INPP5A: variants seen among roughly 807,000 people sequenced by gnomAD.
INPP5A encodes 43 kDa inositol polyphosphate 5-phophatase.
Under a neutral mutation model 65.2 loss-of-function variants are expected in INPP5A, and 14 were observed. The ratio of observed to expected loss-of-function variants is 0.21; its 90% CI spans 0.14 to 0.34. The LOEUF is 0.34. Among genes scored for constraint, INPP5A ranks in the 10% least tolerant of loss-of-function variants. The probability of loss-of-function intolerance (pLI) is 1.00; values close to 1 mark genes in which losing one functional copy is unlikely to be tolerated. For synonymous variants in INPP5A, 207 were observed against 208.3 expected (o/e 0.99, Z 0.05); for missense variants, 431 against 545.6 (o/e 0.79, Z 2.09).
chr10:132,558,304 TC>T (rs556898008), intron 1 of INPP5A, among the ~76,000 whole-genome samples: 2 of 151,700 alleles, frequency 1.3e-5, no homozygotes, highest in East Asian at 1.9e-4. Flanking sequence ...TCTGGGGCTC[TC>T]CCCCCCGGCC....
chr10:132,677,479 C>T (rs1467373378), intron 4 of INPP5A, among the ~76,000 whole-genome samples: 5 of 152,228 alleles, frequency 3.3e-5, no homozygotes, highest in African/African-American at 9.6e-5. Flanking sequence ...GTCCTTAGAC[C>T]GGCCAATGAC....
intron 9 of INPP5A, among the ~76,000 whole-genome samples, chr10:132,742,328 C>T (rs1590974581): frequency 6.6e-6 from 1 of 152,370 alleles, no homozygotes; most frequent in Non-Finnish European, 1.5e-5. Flanking sequence ...AGGAAGCCTT[C>T]GCACAGTGGC....
intron 4 of INPP5A, among the ~76,000 whole-genome samples, chr10:132,677,634 T>C (rs891283235): frequency 6.6e-6 from 1 of 152,232 alleles, no homozygotes; most frequent in African/African-American, 2.4e-5. Context: ...CCATTTCAGT[T>C]GCTCCTCACC....
intron 9 of INPP5A, among the ~76,000 whole-genome samples, chr10:132,748,468 G>A (rs898059980): frequency 2.0e-5 from 3 of 152,134 alleles, no homozygotes; most frequent in African/African-American, 4.8e-5. Flanking sequence ...TGCCAAGCTC[G>A]GAGAGCTCAG....
At chr10:132,653,342 T>G (rs771882195) in intron 4 of INPP5A, among the ~76,000 whole-genome samples, 1 of 152,226 alleles carries the variant, frequency 6.6e-6, no homozygotes, top group African/African-American at 2.4e-5. Flanking sequence ...CACACCTGGC[T>G]TTCAGGGTTT....
chr10:132,550,697 A>G lies in INPP5A; in HGVS notation c.75+12526A>G, dbSNP rs2133253477. Among the ~76,000 whole-genome samples the G allele has an allele frequency of 3.3e-5, 5 of 152,302 alleles. No homozygotes were observed. Among genetic ancestry groups the G allele is most frequent in the Admixed American group, 2.6e-4 (4 of 15,308 alleles). ...GGGGGTGTCTGGCTATTTCACTATT[A>G]AAACAAGTGGAAACACTAGTTTGGT... On this transcript the variant is annotated intron_variant, in intron 1 of 15. Transcript: ENST00000368594. The surrounding 1 kb of genome is among the most constrained non-coding windows in gnomAD (Gnocchi z 4.2).
At chr10:132,599,334 G>A (rs1469051182) in intron 1 of INPP5A, among the ~76,000 whole-genome samples, 1 of 152,202 alleles carries the variant, frequency 6.6e-6, no homozygotes, top group East Asian at 1.9e-4. Flanking sequence ...GGGTTACAGG[G>A]CCGATGCAAG....
chr10:132,589,156 G>A (rs772774133), intron 1 of INPP5A, among the ~76,000 whole-genome samples: 3 of 152,226 alleles, frequency 2.0e-5, no homozygotes, highest in East Asian at 1.9e-4. Context: ...CCACATCTGC[G>A]CCACGTGCAG....
At chr10:132,769,807 C>A (rs909033369) in intron 12 of INPP5A, among the ~76,000 whole-genome samples, 20 of 142,130 alleles carry the variant, frequency 1.4e-4, no homozygotes, top group South Asian at 4.7e-4. Context: ...AGCTCCCCCC[C>A]CCCAAGTTCC....
intron 8 of INPP5A, among the ~76,000 whole-genome samples, chr10:132,719,333 T>C: frequency 6.7e-6 from 1 of 150,056 alleles, no homozygotes; most frequent in Admixed American, 6.6e-5. Context: ...TCTTCAGGGT[T>C]CTGTGGTACC....
chr10:132,776,314 C>T (rs1327292685), intron 12 of INPP5A, among the ~76,000 whole-genome samples: 2 of 152,050 alleles, frequency 1.3e-5, no homozygotes, highest in African/African-American at 2.4e-5. Flanking sequence ...CGCTGGAGCG[C>T]GCGGAGGATG....
chr10:132,718,743 T>C lies in INPP5A; in HGVS notation c.648-8078T>C, dbSNP rs541114404. On this transcript the variant is annotated intron_variant, in intron 8 of 15. Transcript: ENST00000368594. ...GGTTCTGTGGTACCTGGGTTCTGTC[T>C]GGGCACCTTAGACGACTGTCTTCAG... 9.1e-4 allele frequency among the ~76,000 whole-genome samples: 137 copies of C among 150,198 alleles called. 1 individual carries two copies. Among genetic ancestry groups the C allele is most frequent in the African/African-American group, 3.1e-3 (128 of 40,904 alleles).
chr10:132,640,403 C>T (rs2072411245), intron 2 of INPP5A, among the ~76,000 whole-genome samples: 1 of 152,230 alleles, frequency 6.6e-6, no homozygotes, highest in African/African-American at 2.4e-5. Context: ...CCACACCGTC[C>T]GGCTAGCCTG....
chr10:132,730,618 A>C (rs1293273685), intron 9 of INPP5A, among the ~76,000 whole-genome samples: 1 of 152,230 alleles, frequency 6.6e-6, no homozygotes, highest in Admixed American at 6.5e-5. Flanking sequence ...ACTATAAGTC[A>C]GGAAGGGAAA....
rs185541128 is a variant in INPP5A, at chr10:132,644,053, C to T, written c.118-1815C>T. The stretch of plus-strand genomic sequence containing the variant: ...AACCAGACCACCGGAAACACTCAGA[C>T]CACCGGCACCAAGGGTTGTCTGTTT... On this transcript the variant is annotated intron_variant, in intron 2 of 15. Coordinates refer to ENST00000368594, the MANE Select transcript of INPP5A (RefSeq NM_005539.5). This position sits in a 1 kb window ranked among gnomAD's most constrained non-coding sequence, Gnocchi z 6.5. 1.1e-4 allele frequency among the ~76,000 whole-genome samples: 16 copies of T among 152,312 alleles called. No homozygotes were observed. The highest frequency in any genetic ancestry group is 2.6e-4 in the Admixed American group (4 of 15,308).
intron 7 of INPP5A, among the ~76,000 whole-genome samples, chr10:132,709,272 GA>G (rs1368603460): frequency 3.1e-5 from 4 of 130,518 alleles, no homozygotes; most frequent in Admixed American, 2.2e-4. Flanking sequence ...TGGAGGGAGG[GA>G]GGGGGGAGGA....
chr10:132,542,135 G>A (rs563529919), intron 1 of INPP5A, among the ~76,000 whole-genome samples: 1 of 152,398 alleles, frequency 6.6e-6, no homozygotes, highest in African/African-American at 2.4e-5. Flanking sequence ...GTTTGGTCCT[G>A]AGAACACAGC....
At chr10:132,708,107 GCAGC>G (rs1845567619) in intron 6 of INPP5A, among the ~76,000 whole-genome samples, 2 of 152,202 alleles carry the variant, frequency 1.3e-5, no homozygotes, top group Non-Finnish European at 2.9e-5. Context: ...CTGGGCATCA[GCAGC>G]CCCTGCAGGC....
intron 1 of INPP5A, among the ~76,000 whole-genome samples, chr10:132,539,071 A>G (rs2070877551): frequency 6.6e-6 from 1 of 151,918 alleles, no homozygotes; most frequent in Non-Finnish European, 1.5e-5. Context: ...TCCTCCAACA[A>G]GCTCCTGCCC....
Sources: gnomAD v4.1 joint callset for allele counts (sites outside exome capture counted in the v4.1 genomes callset) on GRCh38, gnomAD v4.1.1 for gene constraint, Gnocchi (gnomAD v3.1) non-coding constraint, MANE v1.5 for transcripts, NCBI Gene and HGNC (gene_info 2026-07-23, HGNC 2026-07-21) for gene names.